Variants in CFAP251 observed in about 807,000 individuals in gnomAD.
The protein encoded by CFAP251 is cilia and flagella associated protein 251.
A neutral mutation model predicts 126.7 loss-of-function variants in CFAP251; 93 were observed. The ratio of observed to expected loss-of-function variants is 0.73; its 90% CI spans 0.62 to 0.87. The LOEUF (loss-of-function observed/expected upper bound fraction) is 0.87. Ranked by LOEUF, CFAP251 falls within the 40% of genes least tolerant of loss-of-function variation. The pLI is 0.00. For synonymous variants in CFAP251, 503 were observed against 506.9 expected (o/e 0.99, Z 0.10); for missense variants, 1,287 against 1,389.2 (o/e 0.93, Z 1.17).
At chr12:121,972,772 G>A (rs1339355240) in intron 17 of CFAP251, among the ~76,000 whole-genome samples, 1 of 152,216 alleles carries the variant, frequency 6.6e-6, no homozygotes, top group East Asian at 1.9e-4. Context: ...ACAGGCATGA[G>A]CTACCGCGCC....
chr12:121,984,787 A>G (rs1394154682), intron 19 of CFAP251, among the ~76,000 whole-genome samples: 1 of 152,194 alleles, frequency 6.6e-6, no homozygotes, highest in African/African-American at 2.4e-5. Context: ...GGCCCAGCAT[A>G]TCATTCGTTT....
Position 121,999,791 on chromosome 12 carries a change from C to T in CFAP251, c.3082C>T (p.Pro1028Ser). Residue 1028 changes from proline to serine, a missense_variant, in exon 20 of 22, where the codon CCA becomes TCA. Pro to Ser is a moderately conservative substitution (Grantham distance 74, BLOSUM62 -1). Transcript: ENST00000288912. The stretch of plus-strand genomic sequence containing the variant: ...AAAGCTAATCGACAAGATCAACTTA[C>T]CAGATTTCCTAAAAGTGTACCTTAA... Reference protein sequence around the residue: ...TGKLIDKINLPDFLKVYLNHK... With the variant: ...TGKLIDKINLSDFLKVYLNHK... 1 of 1,614,000 alleles carries T rather than the reference C, an allele frequency of 6.2e-7. No individual in the cohort carries two copies. The highest frequency in any genetic ancestry group is 8.5e-7 in the Non-Finnish European group (1 of 1,179,938).
At chr12:121,921,015 A>T (rs1237639260) in intron 1 of CFAP251, among the ~76,000 whole-genome samples, 2 of 144,858 alleles carry the variant, frequency 1.4e-5, no homozygotes, top group Non-Finnish European at 3.0e-5. Flanking sequence ...CACCCAGCTA[A>T]TTTTTGTATT....
chr12:121,927,039 A>C (rs1169210832), intron 3 of CFAP251, among the ~76,000 whole-genome samples: 4 of 151,808 alleles, frequency 2.6e-5, no homozygotes, highest in East Asian at 1.9e-4. Flanking sequence ...TCCTACACAC[A>C]CCCCCACCCA....
At chr12:121,937,254 T>C (rs141675022) in intron 5 of CFAP251, among the ~76,000 whole-genome samples, 2,269 of 152,258 alleles carry the variant, frequency 0.015, 42 homozygotes, top group South Asian at 0.087. Context: ...CTTGGTGTCT[T>C]TGGCTTGTGG....
intron 9 of CFAP251, 68 bp downstream of exon 9, chr12:121,951,598 G>T: frequency 8.6e-7 from 1 of 1,161,144 alleles, no homozygotes; most frequent in Non-Finnish European, 1.3e-6. Context: ...TGCAAGCTTA[G>T]CTGCTTCGGG....
chr12:121,949,247 C>A, intron 8 of CFAP251, 186 bp downstream of exon 8: 1 of 328,568 alleles, frequency 3.0e-6, no homozygotes, highest in Non-Finnish European at 5.5e-6. Flanking sequence ...AAATCAAAAG[C>A]AAATAATCCA....
intron 5 of CFAP251, among the ~76,000 whole-genome samples, chr12:121,938,215 C>T (rs1880967015): frequency 6.6e-6 from 1 of 151,850 alleles, no homozygotes. Context: ...CTATGTTGCC[C>T]AAGCTGGTCT....
chr12:121,939,402 A>G (rs936236062), intron 5 of CFAP251, among the ~76,000 whole-genome samples: 4 of 152,122 alleles, frequency 2.6e-5, no homozygotes, highest in African/African-American at 9.7e-5. Flanking sequence ...AGGGAAGGGT[A>G]TTATCTCATG....
At position 121,936,002 on chromosome 12, in the gene CFAP251, G is replaced by A. The variant is rs116705838; in HGVS notation, c.998+1646G>A. Among the ~76,000 whole-genome samples the A allele has an allele frequency of 1.9e-3, 285 of 152,288 alleles. 1 individual carries two copies. Among genetic ancestry groups the A allele is most frequent in the African/African-American group, 6.2e-3 (257 of 41,566 alleles). On this transcript the variant is annotated intron_variant, in intron 5 of 21. Coordinates refer to ENST00000288912, the MANE Select transcript of CFAP251 (RefSeq NM_144668.6). ...TCCAACAAGGAAAGGTGGAATTTCC[G>A]TGGGCTTGGGCAGTGCTGCTCAAAG...
rs1033141855 is a variant in CFAP251 at position 121,972,552 on chromosome 12, G to A, written c.2772-2692G>A. Reference sequence around the variant, plus strand: ...CACCCAGGCTGGAGTGCAATGGCACGATCTTGGCTCACTGCAACCTCCACC... The same window carrying A: ...CACCCAGGCTGGAGTGCAATGGCACAATCTTGGCTCACTGCAACCTCCACC... On this transcript the variant is annotated intron_variant, in intron 17 of 21. Transcript: ENST00000288912. Among the ~76,000 whole-genome samples, 9 of 151,216 alleles carry A rather than the reference G, an allele frequency of 6.0e-5. No individual in the cohort carries two copies. The South Asian group carries it at 8.4e-4, about 14-fold the overall frequency.
At chr12:121,949,557 C>T (rs1281856220) in intron 8 of CFAP251, 1 of 142,678 alleles carries the variant, frequency 7.0e-6, no homozygotes, top group Non-Finnish European at 1.5e-5. Context: ...ATTAGTGATA[C>T]ATATACTGAC....
intron 5 of CFAP251, among the ~76,000 whole-genome samples, chr12:121,938,984 C>G (rs868567737): frequency 5.1e-5 from 7 of 136,926 alleles, no homozygotes; most frequent in Middle Eastern, 3.8e-3. Context: ...GAGAATTCAT[C>G]TAAAAAAAAA....
At chr12:121,962,390 G>C (rs887607601) in intron 15 of CFAP251, among the ~76,000 whole-genome samples, 2 of 152,176 alleles carry the variant, frequency 1.3e-5, no homozygotes, top group Admixed American at 6.5e-5. Context: ...CACAGACCCT[G>C]GGGCCCTGGG....
At chr12:121,978,516 T>C (rs765682681) in intron 19 of CFAP251, among the ~76,000 whole-genome samples, 1 of 151,476 alleles carries the variant, frequency 6.6e-6, no homozygotes, top group African/African-American at 2.4e-5. Flanking sequence ...TAGAAATTAC[T>C]CAGAGATCAT....
Position 121,999,929 on chromosome 12 carries a change from CT to C in CFAP251, c.3221del (p.Leu1074ArgfsTer9), listed in dbSNP as rs771360145. ...CATTCGAAGAGAGGACTTCCTGAGA[CT>C]GCTCGTTACTAAAGGTAAGCACATA... is the stretch of plus-strand genomic sequence containing the variant. ...KAIRREDFLR[L>X]LVTKGEHMTE... On this transcript the variant is annotated frameshift_variant, in exon 20 of 22. Transcript: ENST00000288912. LOFTEE classifies it high-confidence loss of function. The C allele has an allele frequency of 6.2e-7, 1 of 1,613,088 alleles. No homozygotes were observed. Among genetic ancestry groups the C allele is most frequent in the South Asian group, 1.1e-5 (1 of 91,064 alleles).
At chr12:121,919,143 A>ATTT (rs11374417) in intron 1 of CFAP251, among the ~76,000 whole-genome samples, 7,155 of 146,546 alleles carry the variant, frequency 0.049, 327 homozygotes, top group East Asian at 0.19. Flanking sequence ...TATTATTATT[A>ATTT]TTTTTTTTTT....
At chr12:121,942,028 A>C (rs764340544) in intron 5 of CFAP251, among the ~76,000 whole-genome samples, 16 of 152,162 alleles carry the variant, frequency 1.1e-4, no homozygotes, top group Non-Finnish European at 2.2e-4. Context: ...GTGAATGAGA[A>C]CCTAGAGCTT....
chr12:121,938,530 A>G (rs1245442370), intron 5 of CFAP251, among the ~76,000 whole-genome samples: 1 of 149,840 alleles, frequency 6.7e-6, no homozygotes, highest in Non-Finnish European at 1.5e-5. Context: ...GGGTTTCACC[A>G]TGTTACTCAG....
Sources: gnomAD v4.1 joint callset for allele counts (sites outside exome capture counted in the v4.1 genomes callset) on GRCh38, gnomAD v4.1.1 for gene constraint, MANE v1.5 for transcripts, NCBI Gene and HGNC (gene_info 2026-07-23, HGNC 2026-07-21) for gene names.